Variants in PODXL2 observed in about 807,000 individuals in gnomAD.
PODXL2 encodes the protein podocalyxin like 2, also known as podocalyxin-like protein 2.
In PODXL2, 17 loss-of-function variants were observed where a neutral mutation model predicts 53.4. The observed-to-expected ratio is 0.32, with a 90% confidence interval of 0.22 to 0.48. The LOEUF is 0.48. Ranked by LOEUF, PODXL2 falls within the 20% of genes least tolerant of loss-of-function variation. The probability of loss-of-function intolerance (pLI) is 0.99; values close to 1 mark genes in which losing one functional copy is unlikely to be tolerated. For missense variants in PODXL2, 673 were observed against 760.0 expected, an observed-to-expected ratio of 0.89 and a Z score of 1.35; for synonymous variants, 311 against 306.7, an observed-to-expected ratio of 1.01 and a Z score of -0.15.
intron 1 of PODXL2, among the ~76,000 whole-genome samples, chr3:127,634,050 A>G (rs2074563300): frequency 6.6e-6 from 1 of 151,910 alleles, no homozygotes. Context: ...GAGGGGAGGT[A>G]ATGGTCAGTT....
intron 4 of PODXL2, among the ~76,000 whole-genome samples, chr3:127,665,531 A>C (rs2074791234): frequency 6.6e-6 from 1 of 152,230 alleles, no homozygotes; most frequent in Non-Finnish European, 1.5e-5. Flanking sequence ...AGGAGGAAGA[A>C]AGATAAAACA....
rs778792058 is a variant in PODXL2 at position 127,672,265 on chromosome 3, C to T, written c.1606-3C>T. On this transcript the variant is annotated splice_polypyrimidine_tract_variant and splice_region_variant and intron_variant, in intron 7 of 7. Transcript: ENST00000342480. ...CCCATGGCCTCTCCCCACCCCGCCT[C>T]AGTCGCACGGCGAGGAGCTGCGCTT... 1.9e-6 allele frequency: 3 copies of T among 1,542,766 alleles called. No individual in the cohort carries two copies. Among genetic ancestry groups the T allele is most frequent in the South Asian group, 2.4e-5 (2 of 84,058 alleles).
At chr3:127,633,127 A>T (rs2630214) in intron 1 of PODXL2, among the ~76,000 whole-genome samples, 4,449 of 152,294 alleles carry the variant, frequency 0.029, 293 homozygotes, top group East Asian at 0.27. Flanking sequence ...TTTCAAGAGA[A>T]GAGATTCCTT....
At chr3:127,630,857 C>G (rs182902845) in intron 1 of PODXL2, among the ~76,000 whole-genome samples, 5 of 152,340 alleles carry the variant, frequency 3.3e-5, no homozygotes, top group Non-Finnish European at 4.4e-5. Context: ...AAATAAACAT[C>G]AATTGATTGG....
intron 4 of PODXL2, among the ~76,000 whole-genome samples, chr3:127,666,903 A>C (rs1219989008): frequency 1.3e-5 from 2 of 152,266 alleles, no homozygotes; most frequent in African/African-American, 4.8e-5. Flanking sequence ...AGCAGAGCAC[A>C]GAGCCACAGC....
At chr3:127,645,478 C>T (rs1018091434) in intron 2 of PODXL2, among the ~76,000 whole-genome samples, 7 of 152,204 alleles carry the variant, frequency 4.6e-5, no homozygotes, top group African/African-American at 1.7e-4. Flanking sequence ...ATGAGCAGGA[C>T]CAGTGCACGT....
chr3:127,660,854 G>A lies in PODXL2; in HGVS notation c.826G>A (p.Gly276Arg), dbSNP rs1559877719. 4.3e-6 allele frequency: 7 copies of A among 1,614,136 alleles called. No homozygotes were observed. Among genetic ancestry groups the A allele is most frequent in the Non-Finnish European group, 5.9e-6 (7 of 1,180,062 alleles). Residue 276 changes from glycine to arginine, a missense_variant, in exon 3 of 8, where the codon GGG (glycine) becomes AGG (arginine). This residue lies in a region of PODXL2 where 588 missense variants were observed against 668.3 expected (regional missense o/e 0.88). Transcript: ENST00000342480. ...EATVLPAAGL[G>R]VEFEAPQEAS... ...CACAGTGCTGCCAGCTGCAGGGCTT[G>A]GGGTAGAGTTCGAGGCTCCTCAGGA... is the stretch of plus-strand genomic sequence containing the variant.
At chr3:127,630,444 G>A (rs2074537341) in intron 1 of PODXL2, among the ~76,000 whole-genome samples, 1 of 152,226 alleles carries the variant, frequency 6.6e-6, no homozygotes, top group African/African-American at 2.4e-5. Flanking sequence ...GTATGTGCAT[G>A]TAGGAGTGTG....
intron 4 of PODXL2, among the ~76,000 whole-genome samples, chr3:127,664,783 AC>A (rs2074786421): frequency 6.6e-6 from 1 of 150,752 alleles, no homozygotes; most frequent in African/African-American, 2.4e-5. Context: ...CTTTGCACCA[AC>A]CTAAATGGTC....
rs373798305 is a variant in PODXL2 at position 127,661,283 on chromosome 3, C to T, written c.1131+124C>T. The T allele has an allele frequency of 4.2e-4, 287 of 682,564 alleles. 3 individuals carry two copies. The South Asian group carries it at 5.0e-3, about 12-fold the overall frequency. 42.3% of individuals were successfully genotyped at this position (682,564 alleles called of 1,614,324 possible). On this transcript the variant is annotated intron_variant, in intron 3 of 7. Transcript: ENST00000342480. The stretch of plus-strand genomic sequence containing the variant: ...GAGGAGGGAGGCCCTTTCCACAGCA[C>T]GTAGAACCCCATGGAACTTGTGGGG...
intron 2 of PODXL2, among the ~76,000 whole-genome samples, chr3:127,642,564 A>G (rs1286075548): frequency 6.6e-6 from 1 of 151,364 alleles, no homozygotes; most frequent in African/African-American, 2.4e-5. Flanking sequence ...AGAGGTGGCC[A>G]GATATGGGAG....
Position 127,629,471 on chromosome 3 carries a change from G to A in PODXL2, c.70+182G>A, listed in dbSNP as rs1256940779. Among the ~76,000 whole-genome samples the A allele has an allele frequency of 6.6e-6, 1 of 150,566 alleles. No homozygotes were observed. The highest frequency in any genetic ancestry group is 1.5e-5 in the Non-Finnish European group (1 of 67,478). ...CGAGGAGTGGGTGCGTGGGGGCCGC[G>A]GCGGGCGCCTGGCGTGCCGGGCGAC... On this transcript the variant is annotated intron_variant, in intron 1 of 7. Coordinates refer to ENST00000342480, the MANE Select transcript of PODXL2 (RefSeq NM_015720.4). This position sits in a 1 kb window ranked among gnomAD's most constrained non-coding sequence, Gnocchi z 6.4.
intron 1 of PODXL2, among the ~76,000 whole-genome samples, chr3:127,636,106 A>G (rs1287410161): frequency 6.6e-6 from 1 of 152,366 alleles, no homozygotes; most frequent in South Asian, 2.1e-4. Context: ...TCACAAAGGT[A>G]GCTCAGATTC....
intron 1 of PODXL2, 141 bp from the exon 2 acceptor site, chr3:127,639,104 C>T: frequency 1.2e-6 from 1 of 832,204 alleles, no homozygotes; most frequent in Non-Finnish European, 1.8e-6. Flanking sequence ...AGAATCCCCG[C>T]AAAGCCTCTG....
intron 5 of PODXL2, among the ~76,000 whole-genome samples, 162 bp downstream of exon 5, chr3:127,668,759 T>G (rs1032949992): frequency 4.6e-5 from 7 of 152,112 alleles, no homozygotes; most frequent in African/African-American, 1.4e-4. Context: ...ACCCACCAGC[T>G]TGGGTTCTGG....
intron 2 of PODXL2, among the ~76,000 whole-genome samples, chr3:127,642,331 G>A (rs949358984): frequency 4.7e-5 from 7 of 150,330 alleles, no homozygotes; most frequent in African/African-American, 1.5e-4. Flanking sequence ...AGCATCCCAC[G>A]CGGAAACAGA....
chr3:127,641,119 C>T (rs1321592815), intron 2 of PODXL2, among the ~76,000 whole-genome samples: 1 of 152,162 alleles, frequency 6.6e-6, no homozygotes, highest in Non-Finnish European at 1.5e-5. Flanking sequence ...ACCATGTTGG[C>T]CAGGCTGGTC....
chr3:127,641,112 A>G (rs1576427685), intron 2 of PODXL2, among the ~76,000 whole-genome samples: 1 of 152,150 alleles, frequency 6.6e-6, no homozygotes, highest in Non-Finnish European at 1.5e-5. Flanking sequence ...GGGTTTCACC[A>G]TGTTGGCCAG....
At chr3:127,646,689 T>C (rs1254645926) in intron 2 of PODXL2, among the ~76,000 whole-genome samples, 2 of 152,318 alleles carry the variant, frequency 1.3e-5, no homozygotes, top group African/African-American at 2.4e-5. Flanking sequence ...CCTGGCTCCA[T>C]AGAATTTTGA....
Sources: allele counts gnomAD v4.1 joint callset (sites outside exome capture counted in the v4.1 genomes callset), GRCh38; gene constraint gnomAD v4.1.1; regional missense constraint gnomAD v4.1.1; non-coding constraint Gnocchi (gnomAD v3.1); transcripts MANE v1.5; gene names NCBI Gene and HGNC (gene_info 2026-07-23, HGNC 2026-07-21).